The following ZFAT variants were observed in gnomAD, a reference collection of about 807,000 sequenced individuals.
ZFAT encodes zinc finger protein ZFAT.
In ZFAT, 64 loss-of-function variants were observed where a neutral mutation model predicts 117.7. The ratio of observed to expected loss-of-function variants is 0.54; its 90% confidence interval spans 0.44 to 0.67. The LOEUF is 0.67. ZFAT is among the 30% of genes least tolerant of loss of function. ZFAT has a pLI of 0.00. For synonymous variants in ZFAT, 679 were observed against 615.0 expected (o/e 1.10, Z -1.54); for missense variants, 1,433 against 1,584.5 (o/e 0.90, Z 1.62).
Position 134,510,099 on chromosome 8 carries a change from T to A in ZFAT, c.3362-350A>T, listed in dbSNP as rs141807392. On this transcript the variant is annotated intron_variant, in intron 14 of 15. Coordinates refer to ENST00000377838, the MANE Select transcript of ZFAT (RefSeq NM_020863.4). ...CTAACATGCGGACATGTGGCTGCCC[T>A]CGAAGCTGAACTCCTGGGAGCACCC... 3.3e-3 allele frequency: 1,536 copies of A among 461,656 alleles called. 9 individuals carry two copies. Among genetic ancestry groups the A allele is most frequent in the South Asian group, 0.012 (777 of 64,612 alleles). The allele number at this position is 461,656 out of a possible 1,614,324, so 28.6% of individuals were successfully genotyped here. A position where few individuals can be genotyped will look rare whatever the true frequency, so the allele number is the denominator to read the frequency against.
At chr8:134,716,465 A>T (rs1814212956), upstream of ZFAT, among the ~76,000 whole-genome samples, 1 of 152,188 alleles carries the variant, frequency 6.6e-6, no homozygotes, top group Non-Finnish European at 1.5e-5. Context: ...CTGCCTGTGC[A>T]CACCTGTGTG....
At chr8:134,508,484 AT>A (rs1819581122) in intron 15 of ZFAT, among the ~76,000 whole-genome samples, 1 of 152,172 alleles carries the variant, frequency 6.6e-6, no homozygotes, top group African/African-American at 2.4e-5. Context: ...AATTTAGTCA[AT>A]TTCAGACAAC....
chr8:134,513,147 G>C (rs1819982259), intron 13 of ZFAT, among the ~76,000 whole-genome samples: 1 of 152,112 alleles, frequency 6.6e-6, no homozygotes, highest in Non-Finnish European at 1.5e-5. Context: ...GGAGAGCACA[G>C]GTCCCAGGTC....
Position 134,602,657 on chromosome 8 carries a change from C to A in ZFAT, c.1062G>T (p.Gln354His). ...HIERVHKKIK[Q>H]HCRFCKKKYS... Reference sequence around the variant, plus strand: ...ACTTCTTCTTGCAGAAGCGGCAGTGCTGCTTGATCTTCTTGTGCACTCGCT... The same window carrying A: ...ACTTCTTCTTGCAGAAGCGGCAGTGATGCTTGATCTTCTTGTGCACTCGCT... Residue 354 changes from glutamine (Q) to histidine (H), a missense_variant, in exon 6 of 16, where the codon CAG (glutamine) becomes CAT (histidine). Gln to His is a conservative substitution (Grantham distance 24). Coordinates refer to ENST00000377838, the MANE Select transcript of ZFAT (RefSeq NM_020863.4). 1 of 1,614,240 alleles carries A rather than the reference C, an allele frequency of 6.2e-7. No homozygotes were observed. Among genetic ancestry groups the A allele is most frequent in the Non-Finnish European group, 8.5e-7 (1 of 1,180,048 alleles).
the ZFAT span, among the ~76,000 whole-genome samples, chr8:134,780,369 C>G: frequency 2.0e-5 from 3 of 152,312 alleles, no homozygotes; most frequent in South Asian, 4.1e-4. Context: ...CTCTCCCTTG[C>G]TAGCAATGCC....
intron 3 of ZFAT, among the ~76,000 whole-genome samples, chr8:134,623,424 G>A (rs761082789): frequency 1.4e-4 from 21 of 152,134 alleles, no homozygotes; most frequent in Admixed American, 3.9e-4. Context: ...CACGTGGGGC[G>A]GCATGCCCTC....
intron 11 of ZFAT, among the ~76,000 whole-genome samples, chr8:134,555,217 T>C (rs931072803): frequency 1.3e-5 from 2 of 151,376 alleles, no homozygotes; most frequent in Non-Finnish European, 2.9e-5. Context: ...ACTTATGAAA[T>C]GCTGCTGTCA....
rs184305222 is a variant in ZFAT at position 134,669,997 on chromosome 8, G to C, written c.20-12260C>G. On this transcript the variant is annotated intron_variant, in intron 1 of 15. Transcript: ENST00000377838. ...CTTTAAACCAACAAAGATCAAAAGA[G>C]ACAAAGAAGGCCAGTACATAATGGT... 6.3e-3 allele frequency among the ~76,000 whole-genome samples: 960 copies of C among 152,278 alleles called. 35 individuals are homozygous for C. The highest frequency in any genetic ancestry group is 0.055 in the Admixed American group (842 of 15,300).
rs186700323 is a variant in ZFAT, at chr8:134,632,097, A to C, written c.448+5364T>G. Among the ~76,000 whole-genome samples the C allele has an allele frequency of 2.0e-5, 3 of 152,248 alleles. No individual in the cohort carries two copies. In the East Asian group the frequency reaches 5.8e-4, roughly 29 times the overall value. On this transcript the variant is annotated intron_variant, in intron 3 of 15. Transcript: ENST00000377838. ...AACATGGGTTTGAACTGCAAGGGGA[A>C]ACTTATACTGAAATTTCTTCCATCT...
chr8:134,670,083 A>C (rs1832476254), intron 1 of ZFAT, among the ~76,000 whole-genome samples: 1 of 152,240 alleles, frequency 6.6e-6, no homozygotes, highest in Admixed American at 6.5e-5. Flanking sequence ...CCAATACAGG[A>C]GTACCCAGAT....
chr8:134,717,440 A>T (rs183658982), upstream of ZFAT, among the ~76,000 whole-genome samples: 34 of 138,294 alleles, frequency 2.5e-4, no homozygotes, highest in African/African-American at 8.8e-4. Flanking sequence ...GAGATGACAA[A>T]GAAATTGGTC....
the ZFAT span, among the ~76,000 whole-genome samples, chr8:134,724,292 G>A: frequency 3.3e-5 from 5 of 152,316 alleles, no homozygotes; most frequent in Admixed American, 2.6e-4. Context: ...CCCAGTCAAG[G>A]CATAGCAGAA....
chr8:134,668,934 C>A (rs1481906195), intron 1 of ZFAT, among the ~76,000 whole-genome samples: 3 of 152,078 alleles, frequency 2.0e-5, no homozygotes, highest in African/African-American at 7.2e-5. Flanking sequence ...AAAACCATGG[C>A]AGGAGAACTA....
At chr8:134,695,655 G>C (rs1833794807) in intron 1 of ZFAT, among the ~76,000 whole-genome samples, 1 of 140,332 alleles carries the variant, frequency 7.1e-6, no homozygotes. Context: ...CCCAAGCCTG[G>C]GTCATCTCTA....
intron 1 of ZFAT, among the ~76,000 whole-genome samples, chr8:134,664,713 C>A (rs942070975): frequency 3.3e-5 from 5 of 152,198 alleles, no homozygotes; most frequent in African/African-American, 9.7e-5. Flanking sequence ...AACAAAGGAG[C>A]CACTTTTGTT....
At chr8:134,534,725 GAGAGAGAGAA>G (rs757542023) in intron 11 of ZFAT, among the ~76,000 whole-genome samples, 32 of 146,480 alleles carry the variant, frequency 2.2e-4, no homozygotes, top group Non-Finnish European at 4.2e-4. Flanking sequence ...GGACAGAAGG[GAGAGAGAGAA>G]AGAGAGGGAA....
chr8:134,808,804 C>T, the ZFAT span, among the ~76,000 whole-genome samples: 9 of 152,172 alleles, frequency 5.9e-5, no homozygotes, highest in African/African-American at 1.9e-4. Context: ...CCCTGCTAAA[C>T]CCAGCTATAA....
chr8:134,509,028 T>C lies in ZFAT; in HGVS notation c.3492+591A>G, dbSNP rs183408190. Among the ~76,000 whole-genome samples, 10 of 152,324 alleles carry C rather than the reference T, an allele frequency of 6.6e-5. No individual in the cohort carries two copies. In the East Asian group the frequency reaches 1.9e-3, roughly 29 times the overall value. On this transcript the variant is annotated intron_variant, in intron 15 of 15. Transcript: ENST00000377838. ...TAAACAGATAAAAAGGATGACCTAA[T>C]TATCAAACACATTGCATTTTAACAG...
At chr8:134,484,391 A>G (rs114316781) in intron 15 of ZFAT, among the ~76,000 whole-genome samples, 4,146 of 152,332 alleles carry the variant, frequency 0.027, 208 homozygotes, top group African/African-American at 0.095. Context: ...AACCATCTGG[A>G]GCAGCCATGG....
Sources: allele counts gnomAD v4.1 joint callset (sites outside exome capture counted in the v4.1 genomes callset), GRCh38; gene constraint gnomAD v4.1.1; transcripts MANE v1.5; gene names NCBI Gene and HGNC (gene_info 2026-07-23, HGNC 2026-07-21).